Variants in SLC47A2 observed in about 807,000 individuals in gnomAD.
SLC47A2 encodes solute carrier family 47 member 2, also known as multidrug and toxin extrusion protein 2.
A neutral mutation model predicts 67.7 loss-of-function variants in SLC47A2; 52 were observed. The observed-to-expected ratio is 0.77, with a 90% CI of 0.61 to 0.97. The LOEUF is 0.97. Ranked by LOEUF, SLC47A2 falls within the 50% of genes least tolerant of loss-of-function variation. The pLI is 0.00. For synonymous variants in SLC47A2, 278 were observed against 292.9 expected (o/e 0.95, Z 0.52); for missense variants, 676 against 712.3 (o/e 0.95, Z 0.58).
At chr17:19,684,506 C>G (rs1459132424) in intron 13 of SLC47A2, among the ~76,000 whole-genome samples, 2 of 151,942 alleles carry the variant, frequency 1.3e-5, no homozygotes, top group Admixed American at 6.6e-5. Context: ...CTATTCTACC[C>G]TAAGAAGCTA....
At position 19,708,243 on chromosome 17, in the gene SLC47A2, G is replaced by A. The variant is rs376326392; in HGVS notation, c.629+59C>T. 5.8e-6 allele frequency: 9 copies of A among 1,555,630 alleles called. No homozygotes were observed. In the African/African-American group the frequency reaches 1.1e-4, roughly 19 times the overall value. On this transcript the variant is annotated intron_variant, in intron 7 of 16. Transcript: ENST00000433844. ...ATGGTGACTGATCTGTCTCCACCAG[G>A]GGTGGAGAGCTCAGTGGGCAGTGTC...
chr17:19,710,960 C>A (rs1455984410), intron 5 of SLC47A2, among the ~76,000 whole-genome samples: 1 of 151,768 alleles, frequency 6.6e-6, no homozygotes, highest in Non-Finnish European at 1.5e-5. Flanking sequence ...CAGGCATGCG[C>A]CACCACACCC....
At chr17:19,692,268 C>T (rs752135843) in intron 13 of SLC47A2, 5 of 429,996 alleles carry the variant, frequency 1.2e-5, no homozygotes, top group South Asian at 8.5e-5. Context: ...ATAAAATTGA[C>T]CCACGCTTAC....
intron 13 of SLC47A2, among the ~76,000 whole-genome samples, chr17:19,682,922 A>T (rs548741795): frequency 6.6e-6 from 1 of 152,360 alleles, no homozygotes; most frequent in South Asian, 2.1e-4. Context: ...TCTGAACTAC[A>T]GGCACAGCTC....
chr17:19,688,253 G>T (rs2085468087), intron 13 of SLC47A2, among the ~76,000 whole-genome samples: 1 of 151,806 alleles, frequency 6.6e-6, no homozygotes, highest in African/African-American at 2.4e-5. Flanking sequence ...AGAGAATTAA[G>T]GACAAAAACC....
intron 7 of SLC47A2, 145 bp downstream of exon 7, chr17:19,708,157 C>A: frequency 1.1e-6 from 1 of 888,426 alleles, no homozygotes; most frequent in East Asian, 2.6e-5. Context: ...CCCCAAGGGA[C>A]CATCAGGCCC....
In SLC47A2 at chr17:19,685,901, G is replaced by C. The variant is rs947828956; in HGVS notation, c.1165-4231C>G. 6.6e-6 allele frequency among the ~76,000 whole-genome samples: 1 copy of C among 152,174 alleles called. No homozygotes were observed. The highest frequency in any genetic ancestry group is 2.4e-5 in the African/African-American group (1 of 41,450). ...AGAAACAGCAGGGGATGAAGTTAAA[G>C]TTTTTCTTAATTTTCTCTGCTTGTT... On this transcript the variant is annotated intron_variant, in intron 13 of 16. Coordinates refer to ENST00000433844, the MANE Select transcript of SLC47A2 (RefSeq NM_001099646.3). This position sits in a 1 kb window ranked among gnomAD's most constrained non-coding sequence, Gnocchi z 4.5.
At chr17:19,697,731 A>C (rs1164294021) in intron 13 of SLC47A2, among the ~76,000 whole-genome samples, 2 of 149,200 alleles carry the variant, frequency 1.3e-5, no homozygotes, top group African/African-American at 4.9e-5. Flanking sequence ...GGGACTACAG[A>C]TATGCACCAC....
chr17:19,711,212 A>G (rs1209195724), intron 5 of SLC47A2, among the ~76,000 whole-genome samples: 1 of 152,242 alleles, frequency 6.6e-6, no homozygotes, highest in Non-Finnish European at 1.5e-5. Flanking sequence ...GAAGTACAAT[A>G]CTTAGAAAAA....
chr17:19,707,631 G>T, intron 8 of SLC47A2, 115 bp downstream of exon 8: 2 of 876,264 alleles, frequency 2.3e-6, no homozygotes, highest in Non-Finnish European at 3.5e-6. Context: ...GCAGGGTCCT[G>T]CACCTCCTCC....
At chr17:19,704,039 T>C (rs1357585159) in intron 11 of SLC47A2, 31 bp downstream of exon 11, 2 of 1,552,526 alleles carry the variant, frequency 1.3e-6, no homozygotes, top group Non-Finnish European at 1.7e-6. Flanking sequence ...GGCCAACGTT[T>C]GAAGGCCCAC....
chr17:19,706,693 T>A lies in SLC47A2; in HGVS notation c.796A>T (p.Ile266Phe), dbSNP rs768956686. 3.7e-6 allele frequency: 6 copies of A among 1,611,018 alleles called. No individual in the cohort carries two copies. In the South Asian group the frequency reaches 6.6e-5, roughly 18 times the overall value. ...FSLAVPSMLM[I>F]CVEWWAYEIG... ...TCATAGGCCCACCACTCAACACAGA[T>A]CATGAGCATGCTGGGGACAGCCAGG... Residue 266 changes from isoleucine to phenylalanine, a missense_variant, in exon 9 of 17, where the codon ATC becomes TTC. Transcript: ENST00000433844.
intron 4 of SLC47A2, 107 bp downstream of exon 4, chr17:19,713,718 C>G: frequency 2.0e-6 from 3 of 1,474,646 alleles, no homozygotes; most frequent in Non-Finnish European, 2.7e-6. Context: ...TGTGAGCACT[C>G]GTGGCCTAGA....
Position 19,703,097 on chromosome 17 carries a change from A to G in SLC47A2, c.1089T>C (p.Asn363=). Residue 363 remains asparagine (N), a synonymous_variant, in exon 12 of 17, where the codon AAT becomes AAC. Transcript: ENST00000433844. ...ACAGAAAACTGATTACCTACTCATC[A>G]TTGGTAAAAATATGCCCCAGCTGAT... ...LKNQLGHIFT[N]DEDVIALVSQ... 1.2e-6 allele frequency: 2 copies of G among 1,614,076 alleles called. No individual in the cohort carries two copies. Among genetic ancestry groups the G allele is most frequent in the Non-Finnish European group, 1.7e-6 (2 of 1,179,946 alleles).
chr17:19,681,226 C>CAAA, intron 15 of SLC47A2, 141 bp downstream of exon 15: 3 of 601,814 alleles, frequency 5.0e-6, no homozygotes, highest in South Asian at 2.2e-5. Context: ...AACAAACAAA[C>CAAA]AAAAAAAAAA....
chr17:19,700,820 C>A (rs1226758165), intron 13 of SLC47A2, among the ~76,000 whole-genome samples: 1 of 149,526 alleles, frequency 6.7e-6, no homozygotes, highest in African/African-American at 2.5e-5. Flanking sequence ...AGAATGATTT[C>A]TCAGGTGTGG....
intron 13 of SLC47A2, among the ~76,000 whole-genome samples, chr17:19,695,993 C>T (rs867813781): frequency 6.6e-6 from 1 of 151,376 alleles, no homozygotes; most frequent in African/African-American, 2.4e-5. Flanking sequence ...CTAAGTGCTG[C>T]GATTACAGGT....
At chr17:19,716,700 T>C (rs2086279056), upstream of SLC47A2, 1 of 1,249,632 alleles carries the variant, frequency 8.0e-7, no homozygotes, top group Non-Finnish European at 1.1e-6. Context: ...CCATGGCAAC[T>C]TGTGGGATGA....
At chr17:19,704,689 G>T in intron 10 of SLC47A2, 1 of 1,550,014 alleles carries the variant, frequency 6.5e-7, no homozygotes, top group East Asian at 2.4e-5. Context: ...GACGATGGCT[G>T]TGTCTCTGTG....
Sources: gnomAD v4.1 joint callset for allele counts (sites outside exome capture counted in the v4.1 genomes callset) on GRCh38, gnomAD v4.1.1 for gene constraint, Gnocchi (gnomAD v3.1) non-coding constraint, MANE v1.5 for transcripts, NCBI Gene and HGNC (gene_info 2026-07-23, HGNC 2026-07-21) for gene names.